PRKAR1B: variants seen among roughly 807,000 people sequenced by gnomAD.
PRKAR1B encodes the protein cAMP-dependent protein kinase type I-beta regulatory subunit.
PRKAR1B carries 22 observed loss-of-function variants against 46.5 expected under a neutral mutation model. That is an observed-to-expected ratio of 0.47 (90% confidence interval 0.34 to 0.68). The LOEUF is 0.68. PRKAR1B is among the 30% of genes least tolerant of loss of function. PRKAR1B has a pLI of 0.01. For missense variants in PRKAR1B, 445 were observed against 535.6 expected, an observed-to-expected ratio of 0.83 and a Z score of 1.67; for synonymous variants, 259 against 217.7, an observed-to-expected ratio of 1.19 and a Z score of -1.67.
At chr7:726,047 G>T (rs1432675717) in intron 1 of PRKAR1B, among the ~76,000 whole-genome samples, 1 of 151,888 alleles carries the variant, frequency 6.6e-6, no homozygotes, top group Non-Finnish European at 1.5e-5. Context: ...GAGCAATAAA[G>T]CTCCAGTGTC....
chr7:691,409 G>C, intron 2 of PRKAR1B: 1 of 1,024,662 alleles, frequency 9.8e-7, no homozygotes, highest in Non-Finnish European at 1.4e-6. Context: ...TGCCTGGTCA[G>C]GAGGGGTGCA....
At chr7:684,298 G>A (rs1778880363) in intron 2 of PRKAR1B, among the ~76,000 whole-genome samples, 2 of 152,222 alleles carry the variant, frequency 1.3e-5, no homozygotes, top group African/African-American at 4.8e-5. Context: ...GGGGATTGCC[G>A]GGTGAAGCTT....
At chr7:691,663 G>T in intron 2 of PRKAR1B, 1 of 1,295,978 alleles carries the variant, frequency 7.7e-7, no homozygotes, top group Non-Finnish European at 1.0e-6. Context: ...CCAGGGAGCT[G>T]TTGGAAACCC....
intron 6 of PRKAR1B, among the ~76,000 whole-genome samples, chr7:601,420 G>T (rs982047082): frequency 2.0e-5 from 3 of 152,236 alleles, no homozygotes; most frequent in African/African-American, 7.2e-5. Context: ...TGTAATAACA[G>T]TAATTATTAT....
chr7:677,694 TG>T lies in PRKAR1B; in HGVS notation c.349-375del, dbSNP rs980617393. Among the ~76,000 whole-genome samples, 3 of 152,106 alleles carry T rather than the reference TG, an allele frequency of 2.0e-5. 1 individual carries two copies. The highest frequency in any genetic ancestry group is 4.4e-5 in the Non-Finnish European group (3 of 68,032). On this transcript the variant is annotated intron_variant, in intron 3 of 10. Coordinates refer to ENST00000537384, the MANE Select transcript of PRKAR1B (RefSeq NM_001164760.2). ...CTCCCATCTCAGCCTCCCAAAGTGC[TG>T]GGATTACAGGTGTGAGCCACCGCAC...
intron 1 of PRKAR1B, among the ~76,000 whole-genome samples, chr7:711,929 A>C (rs1357360690): frequency 6.6e-6 from 1 of 151,684 alleles, no homozygotes; most frequent in Admixed American, 6.5e-5. Flanking sequence ...ACTTATGTGA[A>C]ATGTGAATGC....
At chr7:660,395 C>G (rs1174205388) in intron 4 of PRKAR1B, among the ~76,000 whole-genome samples, 1 of 151,222 alleles carries the variant, frequency 6.6e-6, no homozygotes, top group South Asian at 2.1e-4. Context: ...GGTCCCCACC[C>G]CAACAGATCC....
At chr7:624,535 G>A (rs1041637012) in intron 4 of PRKAR1B, among the ~76,000 whole-genome samples, 1 of 152,182 alleles carries the variant, frequency 6.6e-6, no homozygotes, top group South Asian at 2.1e-4. Flanking sequence ...TGGCTAGCAG[G>A]CTGTTTATCA....
intron 1 of PRKAR1B, chr7:726,852 G>T: frequency 7.6e-7 from 1 of 1,319,622 alleles, no homozygotes; most frequent in South Asian, 2.0e-5. Context: ...ACAGCAAGCC[G>T]GGCCGGCGGC....
At chr7:679,545 A>G (rs1350565612) in intron 3 of PRKAR1B, among the ~76,000 whole-genome samples, 1 of 152,246 alleles carries the variant, frequency 6.6e-6, no homozygotes, top group East Asian at 1.9e-4. Flanking sequence ...GCTGATTATA[A>G]AAGTATTAAG....
At chr7:607,839 T>C (rs1782193260) in intron 4 of PRKAR1B, 1 of 208,460 alleles carries the variant, frequency 4.8e-6, no homozygotes, top group Non-Finnish European at 9.6e-6. Flanking sequence ...CTTGATGACA[T>C]GTTTTCTGCA....
intron 4 of PRKAR1B, among the ~76,000 whole-genome samples, chr7:632,343 C>T (rs1218680845): frequency 6.6e-6 from 1 of 152,152 alleles, no homozygotes; most frequent in Non-Finnish European, 1.5e-5. Context: ...GCACCGGCTT[C>T]GCAGAGACCC....
At chr7:688,659 C>T (rs1180144978) in intron 2 of PRKAR1B, among the ~76,000 whole-genome samples, 1 of 152,180 alleles carries the variant, frequency 6.6e-6, no homozygotes, top group Non-Finnish European at 1.5e-5. Flanking sequence ...TCCCTTCCCT[C>T]CCCAAGTCTC....
chr7:599,643 C>T (rs1359229619), intron 6 of PRKAR1B, among the ~76,000 whole-genome samples: 1 of 152,232 alleles, frequency 6.6e-6, no homozygotes, highest in Admixed American at 6.5e-5. Context: ...GCATTTACAC[C>T]CCACCATCAC....
rs1026074487 is a variant in PRKAR1B at position 680,634 on chromosome 7, C to T, written c.270G>A (p.Val90=). The change falls in exon 3 of 11, where the codon GTG becomes GTA. Residue 90 remains valine, a synonymous_variant. Transcript: ENST00000537384. ...EEVSPTPPNP[V]VKARRRRGGV... is the part of the protein sequence containing the mutation. ...CTCCTCGCCGGCGGCGGGCCTTCAC[C>T]ACAGGGTTCGGGGGGGTGGGCGACA... 6.2e-7 allele frequency: 1 copy of T among 1,613,278 alleles called. No individual in the cohort carries two copies. Among genetic ancestry groups the T allele is most frequent in the East Asian group, 2.2e-5 (1 of 44,828 alleles).
intron 8 of PRKAR1B, among the ~76,000 whole-genome samples, chr7:584,159 C>T (rs1780466960): frequency 1.3e-5 from 2 of 151,848 alleles, no homozygotes; most frequent in African/African-American, 4.8e-5. Flanking sequence ...CGGGAGCCAA[C>T]ACTGGCTTTC....
At chr7:685,365 CACATATATATAT>C (rs1779025005) in intron 2 of PRKAR1B, among the ~76,000 whole-genome samples, 4 of 41,560 alleles carry the variant, frequency 9.6e-5, no homozygotes, top group Admixed American at 6.5e-4. Flanking sequence ...TATATATATA[CACATATATATAT>C]ATACATACAT....
intron 4 of PRKAR1B, among the ~76,000 whole-genome samples, chr7:622,922 T>C (rs1362248939): frequency 2.6e-5 from 4 of 152,228 alleles, no homozygotes; most frequent in Non-Finnish European, 5.9e-5. Flanking sequence ...CTAGACATGC[T>C]GCCCTCGCTG....
intron 5 of PRKAR1B, among the ~76,000 whole-genome samples, 199 bp downstream of exon 5, chr7:607,192 G>C (rs1454730958): frequency 2.0e-5 from 3 of 152,112 alleles, no homozygotes; most frequent in Non-Finnish European, 4.4e-5. Flanking sequence ...AGTAGAGACA[G>C]GGTTTCACCA....
Sources: gnomAD v4.1 joint callset for allele counts (sites outside exome capture counted in the v4.1 genomes callset) on GRCh38, gnomAD v4.1.1 for gene constraint, MANE v1.5 for transcripts, NCBI Gene and HGNC (gene_info 2026-07-23, HGNC 2026-07-21) for gene names.